Variants in CCDC50 observed in about 807,000 individuals in gnomAD.
CCDC50 encodes coiled-coil domain containing 50.
CCDC50 carries 54 observed loss-of-function variants against 70.2 expected under a neutral mutation model. The observed-to-expected ratio is 0.77, with a 90% CI of 0.62 to 0.96. The LOEUF (loss-of-function observed/expected upper bound fraction) is 0.96. CCDC50 is among the 50% of genes least tolerant of loss of function. CCDC50 has a pLI of 0.00. For missense variants in CCDC50, 558 were observed against 578.7 expected (o/e 0.96, Z 0.37); for synonymous variants, 216 against 198.8 (o/e 1.09, Z -0.73).
At chr3:191,331,757 T>G (rs1158158983) in intron 1 of CCDC50, among the ~76,000 whole-genome samples, 2 of 152,192 alleles carry the variant, frequency 1.3e-5, no homozygotes, top group African/African-American at 4.8e-5. Flanking sequence ...TTCCCTAATA[T>G]AACTCTTAAT....
intron 10 of CCDC50, among the ~76,000 whole-genome samples, chr3:191,385,534 A>G (rs1228714748): frequency 3.3e-5 from 5 of 152,088 alleles, no homozygotes; most frequent in Admixed American, 6.5e-5. Flanking sequence ...AACTTCCCTA[A>G]AGAGTCCAGA....
chr3:191,334,165 G>T (rs1232908125), intron 1 of CCDC50, among the ~76,000 whole-genome samples: 2 of 151,918 alleles, frequency 1.3e-5, no homozygotes, highest in Non-Finnish European at 2.9e-5. Context: ...TTGTGTTGAG[G>T]GTATTTCCAC....
rs746280912 is a variant in CCDC50, at chr3:191,357,979, C to T, written c.113-19C>T. Reference sequence around the variant, plus strand: ...AACCAAGACATTATTCATTCCTGTCCTCAATCTTTTTGTTCCAGTTGAGCA... The same window carrying T: ...AACCAAGACATTATTCATTCCTGTCTTCAATCTTTTTGTTCCAGTTGAGCA... On this transcript the variant is annotated intron_variant, in intron 2 of 11. Coordinates refer to ENST00000392455, the MANE Select transcript of CCDC50 (RefSeq NM_178335.3). 13 of 1,613,562 alleles carry T rather than the reference C, an allele frequency of 8.1e-6. 1 individual carries two copies. Among genetic ancestry groups the T allele is most frequent in the Middle Eastern group, 3.3e-4 (2 of 6,076 alleles).
At chr3:191,382,530 C>T (rs1288078992) in intron 9 of CCDC50, among the ~76,000 whole-genome samples, 1 of 152,012 alleles carries the variant, frequency 6.6e-6, no homozygotes, top group African/African-American at 2.4e-5. Flanking sequence ...CCATGTAAGC[C>T]CAAAGCCTAC....
intron 1 of CCDC50, among the ~76,000 whole-genome samples, chr3:191,356,773 C>A (rs543349517): frequency 6.6e-6 from 1 of 152,242 alleles, no homozygotes; most frequent in South Asian, 2.1e-4. Context: ...CTTAACCCTC[C>A]ATTTATAGAA....
intron 6 of CCDC50, among the ~76,000 whole-genome samples, chr3:191,379,043 A>T (rs183228364): frequency 3.9e-5 from 6 of 152,266 alleles, no homozygotes; most frequent in Admixed American, 3.9e-4. Flanking sequence ...TTTTTTAAAG[A>T]TTAACAGCAA....
In CCDC50 at chr3:191,380,911, A is replaced by C. The variant is rs727504888; in HGVS notation, c.1221A>C (p.Arg407Ser). ...KEREKSSLDK[R>S]KQDPEWKPKT... Reference sequence around the variant, plus strand: ...GGGAGAAATCATCTTTGGACAAAAGAAAGCAAGACCCCGAGTGGAAGGTAG... The same window carrying C: ...GGGAGAAATCATCTTTGGACAAAAGCAAGCAAGACCCCGAGTGGAAGGTAG... Residue 407 changes from arginine to serine, a missense_variant, in exon 9 of 12, where the codon AGA becomes AGC. By Grantham distance (110) the Arg-to-Ser change is moderately radical. Transcript: ENST00000392455. 1 of 1,612,746 alleles carries C rather than the reference A, an allele frequency of 6.2e-7. No individual in the cohort carries two copies. The highest frequency in any genetic ancestry group is 8.5e-7 in the Non-Finnish European group (1 of 1,179,108).
chr3:191,390,186 A>G (rs1713638556), intron 11 of CCDC50, among the ~76,000 whole-genome samples: 1 of 152,050 alleles, frequency 6.6e-6, no homozygotes, highest in African/African-American at 2.4e-5. Flanking sequence ...GGTGACCTCC[A>G]TTTAGATCTG....
Position 191,380,725 on chromosome 3 carries a change from A to G in CCDC50, c.1131A>G (p.Gln377=), listed in dbSNP as rs200807498. The change falls in exon 8 of 12, where the codon CAA becomes CAG. Residue 377 remains glutamine (Q), a synonymous_variant. Coordinates refer to ENST00000392455, the MANE Select transcript of CCDC50 (RefSeq NM_178335.3). ...QVDMRAAQVA[Q]DEEIARLLMA... Reference sequence around the variant, plus strand: ...ACATGAGAGCCGCTCAAGTAGCTCAAGATGAAGTAAGTTAATGAGTTTAGC... The same window carrying G: ...ACATGAGAGCCGCTCAAGTAGCTCAGGATGAAGTAAGTTAATGAGTTTAGC... The G allele has an allele frequency of 6.2e-7, 1 of 1,612,754 alleles. No individual in the cohort carries two copies. Among genetic ancestry groups the G allele is most frequent in the Non-Finnish European group, 8.5e-7 (1 of 1,179,222 alleles).
At chr3:191,344,178 G>A (rs1268915701) in intron 1 of CCDC50, among the ~76,000 whole-genome samples, 3 of 152,220 alleles carry the variant, frequency 2.0e-5, no homozygotes, top group Admixed American at 6.5e-5. Context: ...ACATGCAGAA[G>A]GTTAAAATGG....
In CCDC50 at chr3:191,351,808, T is replaced by A. The variant is rs1294460533; in HGVS notation, c.50-5280T>A. Among the ~76,000 whole-genome samples the A allele has an allele frequency of 1.4e-5, 2 of 140,584 alleles. 1 individual carries two copies. Among genetic ancestry groups the A allele is most frequent in the Non-Finnish European group, 3.2e-5 (2 of 62,466 alleles). 92.2% of individuals were successfully genotyped at this position (140,584 alleles called of 152,430 possible). ...CAATTCCTTATGAGGGTGCACAGGG[T>A]CTTTCCTATCCCATCTCTTGCTGTA... On this transcript the variant is annotated intron_variant, in intron 1 of 11. Coordinates refer to ENST00000392455, the MANE Select transcript of CCDC50 (RefSeq NM_178335.3).
chr3:191,342,907 A>G (rs1329612363), intron 1 of CCDC50, among the ~76,000 whole-genome samples: 1 of 152,184 alleles, frequency 6.6e-6, no homozygotes, highest in Non-Finnish European at 1.5e-5. Context: ...TTTTTTTCGT[A>G]GAATGTCTGA....
rs548563169 is a variant in CCDC50, at chr3:191,370,107, A to G, written c.448+71A>G. On this transcript the variant is annotated intron_variant, in intron 5 of 11. Transcript: ENST00000392455. ...ATAAAACACTCCTTTAATTTTGTTC[A>G]TAAAGTGACCTTAGGGACCTGGGAC... 2.1e-4 allele frequency: 239 copies of G among 1,118,498 alleles called. 3 individuals are homozygous for G. In the South Asian group the frequency reaches 2.9e-3, roughly 13 times the overall value. The allele number at this position is 1,118,498 out of a possible 1,614,324, so 69.3% of individuals were successfully genotyped here.
intron 10 of CCDC50, among the ~76,000 whole-genome samples, chr3:191,388,876 A>G (rs1284767992): frequency 6.6e-5 from 10 of 151,808 alleles, no homozygotes; most frequent in African/African-American, 1.7e-4. Context: ...GCATAAATCT[A>G]TGTTAAGTAA....
rs562584488 is a variant in CCDC50, at chr3:191,358,827, TGAG to T, written c.239+709_239+711del. 1.3e-3 allele frequency among the ~76,000 whole-genome samples: 198 copies of T among 152,272 alleles called. 1 individual carries two copies. Among genetic ancestry groups the T allele is most frequent in the Non-Finnish European group, 2.9e-4 (20 of 68,024 alleles). ...GTAGATTTAACCACAGATACTGTGT[TGAG>T]GAGGAAGGGGTAAAGGAAAAATGGA... On this transcript the variant is annotated intron_variant, in intron 3 of 11. Coordinates refer to ENST00000392455, the MANE Select transcript of CCDC50 (RefSeq NM_178335.3).
rs1427755891 is a variant in CCDC50 at position 191,392,597 on chromosome 3, C to CT, written c.*841dup. ...CCTTCTCTCTGGCTGTAGACTGAGG[C>CT]TTTTCTCTTGCTTCAAGTCAGAGCA... On this transcript the variant is annotated 3_prime_UTR_variant, in exon 12 of 12. Coordinates refer to ENST00000392455, the MANE Select transcript of CCDC50 (RefSeq NM_178335.3). 6.6e-6 allele frequency: 1 copy of CT among 152,168 alleles called. No homozygotes were observed. The highest frequency in any genetic ancestry group is 2.4e-5 in the African/African-American group (1 of 41,426). 9.4% of individuals were successfully genotyped at this position (152,168 alleles called of 1,614,324 possible).
intron 3 of CCDC50, among the ~76,000 whole-genome samples, chr3:191,360,174 C>G (rs548567961): frequency 6.6e-6 from 1 of 152,166 alleles, no homozygotes; most frequent in Non-Finnish European, 1.5e-5. Flanking sequence ...TCAGGATTAC[C>G]GCTTGTTTAC....
intron 4 of CCDC50, among the ~76,000 whole-genome samples, chr3:191,361,734 A>G (rs1712494943): frequency 6.6e-6 from 1 of 152,184 alleles, no homozygotes; most frequent in South Asian, 2.1e-4. Flanking sequence ...ATCTGCAAAG[A>G]CTGTTTCCAA....
At chr3:191,380,064 T>C in intron 6 of CCDC50, 95 bp from the exon 7 acceptor site, 1 of 747,518 alleles carries the variant, frequency 1.3e-6, no homozygotes, top group Non-Finnish European at 2.3e-6. Flanking sequence ...CATTGTTAGC[T>C]ACTAAAGAAA....
Sources: allele counts gnomAD v4.1 joint callset (sites outside exome capture counted in the v4.1 genomes callset), GRCh38; gene constraint gnomAD v4.1.1; transcripts MANE v1.5; gene names NCBI Gene and HGNC (gene_info 2026-07-23, HGNC 2026-07-21).